Variants in CCSER1 observed in about 807,000 individuals in gnomAD.
CCSER1 encodes serine-rich coiled-coil domain-containing protein 1.
A neutral mutation model predicts 82.0 loss-of-function variants in CCSER1; 41 were observed. The observed-to-expected ratio is 0.50, with a 90% CI of 0.39 to 0.65. CCSER1 has a LOEUF of 0.65. CCSER1 is among the 30% of genes least tolerant of loss of function. The probability of loss-of-function intolerance (pLI) is 0.00; values close to 1 mark genes in which losing one functional copy is unlikely to be tolerated. For missense variants in CCSER1, 1,119 were observed against 1,064.2 expected (o/e 1.05, Z -0.72); for synonymous variants, 414 against 383.9 (o/e 1.08, Z -0.92).
intron 10 of CCSER1, among the ~76,000 whole-genome samples, chr4:91,579,315 C>T (rs1161621868): frequency 6.6e-6 from 1 of 151,330 alleles, no homozygotes; most frequent in African/African-American, 2.4e-5. Context: ...GATAGGACTC[C>T]TAGTGTACCC....
intron 9 of CCSER1, among the ~76,000 whole-genome samples, chr4:90,971,864 A>G (rs1277779111): frequency 3.3e-5 from 5 of 151,982 alleles, no homozygotes; most frequent in Non-Finnish European, 5.9e-5. Flanking sequence ...AAATAATGTC[A>G]TACAACACAT....
chr4:91,555,688 G>GA (rs1322521976), intron 10 of CCSER1, among the ~76,000 whole-genome samples: 1 of 151,084 alleles, frequency 6.6e-6, no homozygotes, highest in Admixed American at 6.6e-5. Flanking sequence ...CCTTATTTGA[G>GA]AAAATTTTTA....
At chr4:90,665,396 A>C (rs1377318059) in intron 6 of CCSER1, among the ~76,000 whole-genome samples, 2 of 149,636 alleles carry the variant, frequency 1.3e-5, no homozygotes, top group East Asian at 4.0e-4. Context: ...ATCTCGGCTC[A>C]CTGCAGGCTC....
chr4:91,479,357 T>C (rs1160325473), intron 10 of CCSER1, among the ~76,000 whole-genome samples: 1 of 151,794 alleles, frequency 6.6e-6, no homozygotes, highest in Non-Finnish European at 1.5e-5. Context: ...AACTTCAAAT[T>C]GGCATAAAAT....
intron 9 of CCSER1, among the ~76,000 whole-genome samples, chr4:90,987,561 G>A (rs866627434): frequency 6.6e-6 from 1 of 151,452 alleles, no homozygotes; most frequent in African/African-American, 2.4e-5. Context: ...TTGTACCAAG[G>A]CACCCATTCA....
At chr4:91,084,700 T>C (rs1723178543) in intron 9 of CCSER1, among the ~76,000 whole-genome samples, 1 of 152,150 alleles carries the variant, frequency 6.6e-6, no homozygotes, top group Admixed American at 6.6e-5. Context: ...TTAGATAATT[T>C]TCTATAATCA....
rs1008707172 is a variant in CCSER1, at chr4:91,418,507, C to T, written c.2218-180065C>T. 5.3e-5 allele frequency among the ~76,000 whole-genome samples: 8 copies of T among 151,420 alleles called. 1 individual carries two copies. The East Asian group carries it at 1.5e-3, about 29-fold the overall frequency. ...TGAATAAATTTGTAGAAACATGAAA[C>T]CTGCCGAGACTAAATCATAAAGAAA... On this transcript the variant is annotated intron_variant, in intron 10 of 10. Transcript: ENST00000509176.
chr4:91,111,455 A>G (rs1726086207), intron 10 of CCSER1, among the ~76,000 whole-genome samples: 1 of 152,056 alleles, frequency 6.6e-6, no homozygotes, highest in Non-Finnish European at 1.5e-5. Flanking sequence ...CAAAAGTGAT[A>G]TATGAATATG....
chr4:90,187,299 T>C (rs1734780355), intron 1 of CCSER1, among the ~76,000 whole-genome samples: 1 of 151,598 alleles, frequency 6.6e-6, no homozygotes, highest in Non-Finnish European at 1.5e-5. Flanking sequence ...TAGTGATGCA[T>C]AAAATAATCA....
At chr4:90,272,054 A>T (rs1726634963) in intron 1 of CCSER1, among the ~76,000 whole-genome samples, 1 of 151,258 alleles carries the variant, frequency 6.6e-6, no homozygotes, top group Admixed American at 6.6e-5. Context: ...AGATCTCATG[A>T]GAACTCACTG....
Position 90,475,742 on chromosome 4 carries a change from G to A in CCSER1, c.1724+7388G>A, listed in dbSNP as rs116796235. Among the ~76,000 whole-genome samples the A allele has an allele frequency of 7.4e-3, 1,123 of 152,242 alleles. 16 individuals carry two copies. The highest frequency in any genetic ancestry group is 0.063 in the South Asian group (303 of 4,816). ...GATGAGGATACCCCCATAAAGAGGG[G>A]CAAAGGACTCTCATGCACCCATGAC... On this transcript the variant is annotated intron_variant, in intron 5 of 10. Coordinates refer to ENST00000509176, the MANE Select transcript of CCSER1 (RefSeq NM_001145065.2).
intron 9 of CCSER1, among the ~76,000 whole-genome samples, chr4:90,966,283 A>G (rs1377329329): frequency 6.6e-6 from 1 of 152,064 alleles, no homozygotes; most frequent in African/African-American, 2.4e-5. Context: ...TAATTTAAAG[A>G]GATGCATATT....
intron 9 of CCSER1, among the ~76,000 whole-genome samples, chr4:90,999,765 T>C (rs1468698762): frequency 6.6e-6 from 1 of 152,006 alleles, no homozygotes; most frequent in Non-Finnish European, 1.5e-5. Flanking sequence ...TTTGCTTTCA[T>C]TGCAATTGTT....
chr4:91,570,714 T>C (rs1185025645), intron 10 of CCSER1, among the ~76,000 whole-genome samples: 1 of 152,146 alleles, frequency 6.6e-6, no homozygotes, highest in Non-Finnish European at 1.5e-5. Flanking sequence ...CATTTTTCCC[T>C]CCTAGGCCTT....
chr4:90,799,314 C>T (rs1227107788), intron 7 of CCSER1, among the ~76,000 whole-genome samples: 1 of 152,118 alleles, frequency 6.6e-6, no homozygotes, highest in Non-Finnish European at 1.5e-5. Flanking sequence ...CCTGCCAAGG[C>T]TCTGTCTGCT....
At chr4:91,538,481 T>C (rs1056669884) in intron 10 of CCSER1, among the ~76,000 whole-genome samples, 5 of 151,114 alleles carry the variant, frequency 3.3e-5, no homozygotes, top group African/African-American at 1.2e-4. Flanking sequence ...TCCTCAGCAC[T>C]GGAAGAAGTT....
intron 6 of CCSER1, among the ~76,000 whole-genome samples, chr4:90,685,120 G>T (rs1734575603): frequency 6.6e-6 from 1 of 152,088 alleles, no homozygotes; most frequent in Non-Finnish European, 1.5e-5. Flanking sequence ...AACTTCTAGG[G>T]TAGTCCTGAG....
At chr4:90,883,636 A>G (rs1721669051) in intron 8 of CCSER1, among the ~76,000 whole-genome samples, 1 of 152,176 alleles carries the variant, frequency 6.6e-6, no homozygotes, top group African/African-American at 2.4e-5. Context: ...AATCGAGAGA[A>G]TTATAAAGTG....
chr4:90,782,605 G>A (rs1753921205), intron 7 of CCSER1, among the ~76,000 whole-genome samples: 1 of 152,032 alleles, frequency 6.6e-6, no homozygotes, highest in South Asian at 2.1e-4. Context: ...GGTGAAAAAG[G>A]GGATTGTTTG....
Sources: allele counts gnomAD v4.1 joint callset (sites outside exome capture counted in the v4.1 genomes callset), GRCh38; gene constraint gnomAD v4.1.1; transcripts MANE v1.5; gene names NCBI Gene and HGNC (gene_info 2026-07-23, HGNC 2026-07-21).